Variants in PCDHA5 observed in about 807,000 individuals in gnomAD.
PCDHA5 encodes protocadherin alpha-5.
Under a neutral mutation model 61.6 loss-of-function variants are expected in PCDHA5, and 43 were observed. The observed-to-expected ratio is 0.70, with a 90% CI of 0.55 to 0.90. The LOEUF is 0.90. Ranked by LOEUF, PCDHA5 falls within the 40% of genes least tolerant of loss-of-function variation. The pLI, the probability that PCDHA5 is intolerant of heterozygous loss-of-function variation, is 0.00. For missense variants in PCDHA5, 1,298 were observed against 1,222.7 expected, an observed-to-expected ratio of 1.06 and a Z score of -0.92; for synonymous variants, 627 against 543.9, an observed-to-expected ratio of 1.15 and a Z score of -2.13.
chr5:140,963,964 C>T (rs1207514831), intron 1 of PCDHA5, among the ~76,000 whole-genome samples: 1 of 152,182 alleles, frequency 6.6e-6, no homozygotes, highest in Non-Finnish European at 1.5e-5. Flanking sequence ...AGGAGTGTGA[C>T]TGACTCCAAA....
At chr5:140,880,759 T>C (rs2058465198) in intron 1 of PCDHA5, among the ~76,000 whole-genome samples, 1 of 152,188 alleles carries the variant, frequency 6.6e-6, no homozygotes. Context: ...TAACTGCGTG[T>C]TGGAGGCTAA....
chr5:140,986,753 A>C (rs2097211895), intron 3 of PCDHA5, among the ~76,000 whole-genome samples: 1 of 152,236 alleles, frequency 6.6e-6, no homozygotes, highest in Non-Finnish European at 1.5e-5. Flanking sequence ...CTGGGACTAA[A>C]CAGTGAAAGA....
intron 1 of PCDHA5, chr5:140,857,914 C>T: frequency 6.3e-7 from 1 of 1,597,754 alleles, no homozygotes; most frequent in Non-Finnish European, 8.6e-7. Flanking sequence ...TCCCGTTTCG[C>T]GTGGGGCTGT....
In PCDHA5 at chr5:140,884,106, T is replaced by C; in HGVS notation, c.2352+59979T>C. 1 of 1,613,420 alleles carries C rather than the reference T, an allele frequency of 6.2e-7. No individual in the cohort carries two copies. The highest frequency in any genetic ancestry group is 8.5e-7 in the Non-Finnish European group (1 of 1,179,712). On this transcript the variant is annotated intron_variant, in intron 1 of 3. Transcript: ENST00000529859. ...GCGTGGCTTTCGTATGAATTGCAGC[T>C]GGCGGCGGTCGGCGCGCGCATCCCG...
At chr5:140,974,264 C>A (rs2096620873) in intron 1 of PCDHA5, among the ~76,000 whole-genome samples, 1 of 152,168 alleles carries the variant, frequency 6.6e-6, no homozygotes, top group African/African-American at 2.4e-5. Flanking sequence ...CCTTTCTGGC[C>A]TTCCAGGGTC....
intron 1 of PCDHA5, among the ~76,000 whole-genome samples, chr5:140,902,686 A>G (rs1038713623): frequency 2.0e-5 from 3 of 152,090 alleles, no homozygotes; most frequent in Non-Finnish European, 4.4e-5. Context: ...CGTACCTAAT[A>G]TGTGTAGTCT....
chr5:140,843,514 G>T lies in PCDHA5; in HGVS notation c.2352+19387G>T, dbSNP rs2150361625. 18 of 1,595,918 alleles carry T rather than the reference G, an allele frequency of 1.1e-5. 2 individuals carry two copies. Among genetic ancestry groups the T allele is most frequent in the Non-Finnish European group, 1.5e-5 (18 of 1,165,532 alleles). The stretch of plus-strand genomic sequence containing the variant: ...GCTCAGCACTGCCCACTGAGGGCGG[G>T]TGCCGGGCGGGCAAGCCCACTCTGG... On this transcript the variant is annotated intron_variant, in intron 1 of 3. Coordinates refer to ENST00000529859, the MANE Select transcript of PCDHA5 (RefSeq NM_018908.3).
At chr5:140,993,463 CACACACACACACACACACA>C (rs1563592092) in intron 3 of PCDHA5, among the ~76,000 whole-genome samples, 163 of 7,580 alleles carry the variant, frequency 0.022, 1 homozygote, top group African/African-American at 0.091. Context: ...CTTTCTTTCT[CACACACACACACACACACA>C]CACACACACA....
intron 1 of PCDHA5, among the ~76,000 whole-genome samples, chr5:140,900,279 C>A (rs2067883641): frequency 6.6e-6 from 1 of 151,672 alleles, no homozygotes. Flanking sequence ...ATGTACCACA[C>A]TTTCTTTTCT....
chr5:141,003,608 C>T (rs951443168), intron 3 of PCDHA5, among the ~76,000 whole-genome samples: 3 of 152,136 alleles, frequency 2.0e-5, no homozygotes, highest in East Asian at 1.9e-4. Flanking sequence ...CCACCATTCC[C>T]GGCCCCAGAG....
intron 1 of PCDHA5, chr5:140,967,680 G>C (rs1554229771): frequency 6.2e-7 from 1 of 1,614,228 alleles, no homozygotes; most frequent in South Asian, 1.1e-5. Context: ...GACCGGGAGA[G>C]GCAGCTCTTC....
Position 140,870,112 on chromosome 5 carries a change from G to T in PCDHA5, c.2352+45985G>T, listed in dbSNP as rs781902121. ...AATGGCAGGTCACTGTACAGTCTGG[G>T]TGGAAATCTTGGACACCAACGATAA... On this transcript the variant is annotated intron_variant, in intron 1 of 3. Transcript: ENST00000529859. 2 of 1,613,938 alleles carry T rather than the reference G, an allele frequency of 1.2e-6. No homozygotes were observed. The highest frequency in any genetic ancestry group is 2.2e-5 in the South Asian group (2 of 91,080).
At chr5:140,916,296 G>C (rs2077516868) in intron 1 of PCDHA5, among the ~76,000 whole-genome samples, 1 of 152,094 alleles carries the variant, frequency 6.6e-6, no homozygotes, top group Admixed American at 6.5e-5. Flanking sequence ...TGGCCAAACT[G>C]GTACCAAAGG....
intron 1 of PCDHA5, chr5:140,852,271 A>C (rs1554145738): frequency 6.0e-6 from 3 of 502,014 alleles, no homozygotes; most frequent in African/African-American, 2.1e-5. Context: ...ACAATATTAC[A>C]TGTTTTTTGT....
intron 1 of PCDHA5, among the ~76,000 whole-genome samples, chr5:140,838,065 TTATA>T (rs144773480): frequency 1.1e-4 from 12 of 113,362 alleles, no homozygotes; most frequent in Admixed American, 1.8e-4. Context: ...CCACTTTAAG[TTATA>T]TATATATAGT....
At chr5:141,004,391 G>A (rs62384511) in intron 3 of PCDHA5, among the ~76,000 whole-genome samples, 4 of 152,342 alleles carry the variant, frequency 2.6e-5, no homozygotes, top group East Asian at 3.9e-4. Flanking sequence ...AGCTGGACAT[G>A]TGGAGGAGGC....
intron 1 of PCDHA5, among the ~76,000 whole-genome samples, chr5:140,903,731 T>C (rs1554191096): frequency 6.6e-6 from 1 of 152,238 alleles, no homozygotes; most frequent in South Asian, 2.1e-4. Context: ...CTATTATCAA[T>C]TATTACAGAA....
intron 1 of PCDHA5, 150 bp downstream of exon 1, chr5:140,824,277 CT>C: frequency 8.7e-7 from 1 of 1,143,248 alleles, no homozygotes; most frequent in Non-Finnish European, 1.3e-6. Flanking sequence ...GTATTATATG[CT>C]TTTTATGAGG....
Position 140,823,022 on chromosome 5 carries a change from G to C in PCDHA5, c.1247G>C (p.Ser416Thr), listed in dbSNP as rs2150121386. ...LVLDSALDRE[S>T]VSVYELVVTA... ...CTGGACAGCGCCCTGGACCGCGAGA[G>C]CGTGTCGGTCTATGAGCTGGTGGTG... Residue 416 changes from serine to threonine, a missense_variant, in exon 1 of 4, where the codon AGC becomes ACC. By Grantham distance (58) the Ser-to-Thr change is moderately conservative (BLOSUM62 1). Coordinates refer to ENST00000529859, the MANE Select transcript of PCDHA5 (RefSeq NM_018908.3). The C allele has an allele frequency of 6.2e-7, 1 of 1,614,234 alleles. No individual in the cohort carries two copies. The highest frequency in any genetic ancestry group is 8.5e-7 in the Non-Finnish European group (1 of 1,180,044).
Sources: gnomAD v4.1 joint callset for allele counts (sites outside exome capture counted in the v4.1 genomes callset) on GRCh38, gnomAD v4.1.1 for gene constraint, MANE v1.5 for transcripts, NCBI Gene and HGNC (gene_info 2026-07-23, HGNC 2026-07-21) for gene names.